The following SSH2 variants were observed in gnomAD, a reference collection of about 807,000 sequenced individuals.
The protein encoded by SSH2 is slingshot protein phosphatase 2.
Under a neutral mutation model 135.2 loss-of-function variants are expected in SSH2, and 37 were observed. That is an observed-to-expected ratio of 0.27 (90% CI 0.21 to 0.36). The LOEUF (loss-of-function observed/expected upper bound fraction) is 0.36. SSH2 is among the 10% of genes least tolerant of loss of function. The pLI is 1.00. For missense variants in SSH2, 1,408 were observed against 1,765.3 expected, an observed-to-expected ratio of 0.80 and a Z score of 3.63; for synonymous variants, 628 against 646.2, an observed-to-expected ratio of 0.97 and a Z score of 0.43.
chr17:29,685,230 C>A (rs2038164555), intron 5 of SSH2, among the ~76,000 whole-genome samples: 1 of 152,138 alleles, frequency 6.6e-6, no homozygotes. Flanking sequence ...AGAAACTTCT[C>A]ATTTTTTGTC....
chr17:29,671,909 C>T (rs1210754153), intron 9 of SSH2, 26 bp downstream of exon 9: 3 of 1,596,654 alleles, frequency 1.9e-6, no homozygotes, highest in African/African-American at 2.7e-5. Context: ...GAGAGAACTT[C>T]CATAATCCTT....
At chr17:29,753,436 G>A (rs1310381358) in intron 3 of SSH2, among the ~76,000 whole-genome samples, 1 of 151,788 alleles carries the variant, frequency 6.6e-6, no homozygotes, top group African/African-American at 2.4e-5. Flanking sequence ...CGGCTTATCT[G>A]CTATTAATGT....
chr17:29,849,856 G>GTATATATATATA (rs59297985), intron 1 of SSH2, among the ~76,000 whole-genome samples: 2 of 118,130 alleles, frequency 1.7e-5, no homozygotes, highest in African/African-American at 6.5e-5. Context: ...AAAAAAAAAA[G>GTATATATATATA]TATATATATA....
At chr17:29,792,246 A>T (rs1238474631) in intron 3 of SSH2, among the ~76,000 whole-genome samples, 1 of 152,162 alleles carries the variant, frequency 6.6e-6, no homozygotes, top group Admixed American at 6.5e-5. Context: ...TGTGAATAAG[A>T]GAATGACTTC....
At chr17:29,651,970 C>T (rs888038239) in intron 12 of SSH2, among the ~76,000 whole-genome samples, 2 of 152,140 alleles carry the variant, frequency 1.3e-5, no homozygotes, top group African/African-American at 4.8e-5. Flanking sequence ...TGGTGAAACC[C>T]CGTATCTACT....
Position 29,752,297 on chromosome 17 carries a change from G to A in SSH2, c.188+41597C>T, listed in dbSNP as rs370298168. Among the ~76,000 whole-genome samples, 5 of 152,084 alleles carry A rather than the reference G, an allele frequency of 3.3e-5. No homozygotes were observed. The East Asian group carries it at 7.7e-4, about 23-fold the overall frequency. On this transcript the variant is annotated intron_variant, in intron 3 of 15. Transcript: ENST00000540801. The stretch of plus-strand genomic sequence containing the variant: ...ACTGGCATACATTTGTCTACTAAAG[G>A]TGTAATAAGTAAAATGAGTACTGGC...
At chr17:29,851,141 C>A (rs1329635296) in intron 1 of SSH2, among the ~76,000 whole-genome samples, 1 of 151,700 alleles carries the variant, frequency 6.6e-6, no homozygotes, top group East Asian at 1.9e-4. Context: ...ACTTCTGGAA[C>A]TCGTATTAGG....
chr17:29,762,123 C>T (rs1175157122), intron 3 of SSH2, among the ~76,000 whole-genome samples: 3 of 151,988 alleles, frequency 2.0e-5, no homozygotes, highest in African/African-American at 4.8e-5. Flanking sequence ...TCCGGTGATC[C>T]GCCCGTCTCG....
intron 1 of SSH2, among the ~76,000 whole-genome samples, chr17:29,908,763 G>GAAAAA (rs60242323): frequency 3.5e-4 from 18 of 50,882 alleles, no homozygotes; most frequent in Admixed American, 5.9e-4. Flanking sequence ...GACTCCATCT[G>GAAAAA]AAAAAAAAAA....
At chr17:29,892,832 C>T (rs2066375085) in intron 1 of SSH2, among the ~76,000 whole-genome samples, 1 of 151,924 alleles carries the variant, frequency 6.6e-6, no homozygotes, top group African/African-American at 2.4e-5. Context: ...ATTCCCTCTT[C>T]CCTACCCTCT....
At chr17:29,656,282 T>C (rs1567849003) in intron 11 of SSH2, among the ~76,000 whole-genome samples, 3 of 152,190 alleles carry the variant, frequency 2.0e-5, no homozygotes, top group South Asian at 2.1e-4. Flanking sequence ...GTTCCAGCAA[T>C]TCTCCTGCCT....
At chr17:29,637,849 C>CAT (rs1173480913) in intron 14 of SSH2, among the ~76,000 whole-genome samples, 3 of 151,854 alleles carry the variant, frequency 2.0e-5, no homozygotes, top group African/African-American at 7.3e-5. Context: ...TGCCGTGGCT[C>CAT]ATGCCTGTAA....
rs774086455 is a variant in SSH2 at position 29,635,692 on chromosome 17, G to A, written c.2262+276C>T. Among the ~76,000 whole-genome samples, 7 of 152,332 alleles carry A rather than the reference G, an allele frequency of 4.6e-5. No individual in the cohort carries two copies. The South Asian group carries it at 8.3e-4, about 18-fold the overall frequency. On this transcript the variant is annotated intron_variant, in intron 15 of 15. Coordinates refer to ENST00000540801, the MANE Select transcript of SSH2 (RefSeq NM_001282129.2). Reference sequence around the variant, plus strand: ...CAAAGTGCTGGGATTACAGGTGTGAGCCACCGCGCCTGGTCATCTTTGGAC... The same window carrying A: ...CAAAGTGCTGGGATTACAGGTGTGAACCACCGCGCCTGGTCATCTTTGGAC...
rs565580159 is a variant in SSH2, at chr17:29,832,624, A to C, written c.144+16225T>G. On this transcript the variant is annotated intron_variant, in intron 2 of 15. Transcript: ENST00000540801. ...TGTTACTGATTTCTAGTTTTATTCC[A>C]TTGTGGTCAGAGAAGATACTTGATT... 7.2e-5 allele frequency among the ~76,000 whole-genome samples: 11 copies of C among 152,110 alleles called. No individual in the cohort carries two copies. The South Asian group carries it at 2.3e-3, about 32-fold the overall frequency.
At chr17:29,895,020 C>A (rs1002346593) in intron 1 of SSH2, among the ~76,000 whole-genome samples, 2 of 151,180 alleles carry the variant, frequency 1.3e-5, no homozygotes, top group South Asian at 2.1e-4. Flanking sequence ...CCCATCATGC[C>A]CCTTCTCTGA....
intron 1 of SSH2, among the ~76,000 whole-genome samples, chr17:29,899,122 C>T (rs1232277676): frequency 2.0e-5 from 3 of 151,956 alleles, no homozygotes; most frequent in Admixed American, 6.6e-5. Flanking sequence ...ATTGATGGGA[C>T]GTATCTCAAA....
At chr17:29,881,122 T>C (rs540193576) in intron 1 of SSH2, among the ~76,000 whole-genome samples, 1 of 152,360 alleles carries the variant, frequency 6.6e-6, no homozygotes, top group South Asian at 2.1e-4. Context: ...ATATTCTAAA[T>C]TGTGATTAAT....
At chr17:29,816,337 G>C (rs1201263699) in intron 2 of SSH2, among the ~76,000 whole-genome samples, 1 of 152,052 alleles carries the variant, frequency 6.6e-6, no homozygotes, top group Non-Finnish European at 1.5e-5. Flanking sequence ...TTTACATAAG[G>C]CTTAAAATAA....
At chr17:29,906,496 A>G (rs1163550174) in intron 1 of SSH2, among the ~76,000 whole-genome samples, 1 of 152,244 alleles carries the variant, frequency 6.6e-6, no homozygotes, top group Non-Finnish European at 1.5e-5. Context: ...GTGCAACACA[A>G]GCAAAAACTG....
Sources: allele counts gnomAD v4.1 joint callset (sites outside exome capture counted in the v4.1 genomes callset), GRCh38; gene constraint gnomAD v4.1.1; transcripts MANE v1.5; gene names NCBI Gene and HGNC (gene_info 2026-07-23, HGNC 2026-07-21).